Variants in ZIM2 observed in about 807,000 individuals in gnomAD.
ZIM2 encodes the protein zinc finger protein 656.
Under a neutral mutation model 38.6 loss-of-function variants are expected in ZIM2, and 14 were observed. The observed-to-expected ratio is 0.36, with a 90% CI of 0.24 to 0.57. The LOEUF (loss-of-function observed/expected upper bound fraction) is 0.57. ZIM2 is among the 20% of genes least tolerant of loss of function. ZIM2 has a pLI of 0.81. For missense variants in ZIM2, 680 were observed against 695.1 expected, an observed-to-expected ratio of 0.98 and a Z score of 0.24; for synonymous variants, 247 against 245.8, an observed-to-expected ratio of 1.00 and a Z score of -0.04.
At chr19:56,811,022 T>C (rs542201329) in intron 9 of ZIM2, 3 of 977,712 alleles carry the variant, frequency 3.1e-6, no homozygotes, top group Non-Finnish European at 3.6e-6. Flanking sequence ...GACACAGTTA[T>C]AATCATAAAC....
chr19:56,815,087 G>A, intron 9 of ZIM2: 1 of 1,613,738 alleles, frequency 6.2e-7, no homozygotes, highest in Non-Finnish European at 8.5e-7. Flanking sequence ...AGGTCTGTGA[G>A]ATCCACAAAG....
At position 56,822,820 on chromosome 19, in the gene ZIM2, G is replaced by C. The variant is rs757890759; in HGVS notation, c.123C>G (p.Asp41Glu). 1.9e-6 allele frequency: 3 copies of C among 1,613,832 alleles called. No individual in the cohort carries two copies. The highest frequency in any genetic ancestry group is 2.5e-6 in the Non-Finnish European group (3 of 1,179,924). Residue 41 changes from aspartate (D) to glutamate (E), a missense_variant, in exon 6 of 13, where the codon GAC becomes GAG. Coordinates refer to ENST00000629319, the MANE Select transcript of ZIM2 (RefSeq NM_001387356.1). ...VHSFSGDRDWDRRGRSRDMEP... is the reference protein window; with the variant it reads ...VHSFSGDRDWERRGRSRDMEP... ...CCATGTCTCTGCTTCTGCCCCTCCGGTCCCAGTCCCGGTCACCTAAGCAGG... is the reference window on the plus strand; with the variant it reads ...CCATGTCTCTGCTTCTGCCCCTCCGCTCCCAGTCCCGGTCACCTAAGCAGG...
intron 2 of ZIM2, chr19:56,833,109 G>T: frequency 2.0e-6 from 1 of 510,660 alleles, no homozygotes; most frequent in Admixed American, 2.0e-5. Context: ...TCATGCACTA[G>T]AAAGCGTCTG....
At chr19:56,820,619 G>A (rs909108493) in intron 7 of ZIM2, among the ~76,000 whole-genome samples, 1 of 152,076 alleles carries the variant, frequency 6.6e-6, no homozygotes, top group Non-Finnish European at 1.5e-5. Context: ...CGTGCTCCTG[G>A]CTCTAAATGG....
At position 56,824,182 on chromosome 19, in the gene ZIM2, T is replaced by C. The variant is rs116088747; in HGVS notation, c.16+80A>G. Reference sequence around the variant, plus strand: ...ACAGAGAGTTATCCAGTCCAGACCATGTCAGAAGTGTGGAGGCTGAGAGCC... The same window carrying C: ...ACAGAGAGTTATCCAGTCCAGACCACGTCAGAAGTGTGGAGGCTGAGAGCC... On this transcript the variant is annotated intron_variant, in intron 4 of 12. Transcript: ENST00000629319. 7.0e-4 allele frequency: 1,086 copies of C among 1,557,456 alleles called. 7 individuals carry two copies. In the African/African-American group the frequency reaches 0.013, roughly 18 times the overall value.
intron 2 of ZIM2, among the ~76,000 whole-genome samples, chr19:56,835,120 C>A (rs1173395907): frequency 6.6e-6 from 1 of 152,088 alleles, no homozygotes; most frequent in African/African-American, 2.4e-5. Flanking sequence ...GACCACAAAC[C>A]AAGCCACCAT....
At chr19:56,783,890 G>A (rs539112116) in intron 10 of ZIM2, among the ~76,000 whole-genome samples, 3 of 152,218 alleles carry the variant, frequency 2.0e-5, no homozygotes, top group South Asian at 4.1e-4. Context: ...GAGGCAATAG[G>A]ATACTTACCT....
At chr19:56,838,094 G>T (rs1375570248) in intron 1 of ZIM2, among the ~76,000 whole-genome samples, 1 of 152,242 alleles carries the variant, frequency 6.6e-6, no homozygotes, top group African/African-American at 2.4e-5. Flanking sequence ...CTAATGGCCA[G>T]CAAAGATGAT....
Position 56,814,457 on chromosome 19 carries a change from T to C in ZIM2, c.490+3289A>G, listed in dbSNP as rs370009140. ...CAATCCTTGCATTCATAGAATGGTA[T>C]AGCTCCTTTGAGGGGCTCAGTAAGA... is the stretch of plus-strand genomic sequence containing the variant. On this transcript the variant is annotated intron_variant, in intron 9 of 12. Coordinates refer to ENST00000629319, the MANE Select transcript of ZIM2 (RefSeq NM_001387356.1). This position sits in a 1 kb window ranked among gnomAD's most constrained non-coding sequence, Gnocchi z 5.8. 30 of 1,613,772 alleles carry C rather than the reference T, an allele frequency of 1.9e-5. No homozygotes were observed. Among genetic ancestry groups the C allele is most frequent in the Non-Finnish European group, 2.4e-5 (28 of 1,179,752 alleles).
At chr19:56,795,269 C>T (rs2047140064) in intron 9 of ZIM2, among the ~76,000 whole-genome samples, 1 of 152,186 alleles carries the variant, frequency 6.6e-6, no homozygotes, top group Admixed American at 6.5e-5. Context: ...CAGACGCAGC[C>T]CTCGCCTCTG....
intron 11 of ZIM2, among the ~76,000 whole-genome samples, chr19:56,780,524 G>A (rs373118878): frequency 2.8e-4 from 43 of 152,206 alleles, no homozygotes; most frequent in African/African-American, 1.0e-3. Flanking sequence ...GATTACAGGC[G>A]TGAGCCACTG....
chr19:56,818,746 C>T (rs781256905), intron 7 of ZIM2, 44 bp from the exon 8 acceptor site: 11 of 1,598,078 alleles, frequency 6.9e-6, no homozygotes, highest in South Asian at 3.3e-5. Flanking sequence ...CTGTCCCCAC[C>T]GATGTTCAAA....
intron 9 of ZIM2, chr19:56,817,086 A>G: frequency 1.2e-6 from 2 of 1,614,134 alleles, no homozygotes; most frequent in Admixed American, 1.7e-5. Context: ...CATCACATAC[A>G]TATGGCATTG....
intron 2 of ZIM2, among the ~76,000 whole-genome samples, chr19:56,834,185 A>C (rs2061849688): frequency 6.6e-6 from 1 of 152,152 alleles, no homozygotes; most frequent in East Asian, 1.9e-4. Context: ...GGAGTACTAA[A>C]AAGTAGGCCA....
At chr19:56,782,619 G>A (rs1311179895) in intron 10 of ZIM2, 3 of 330,018 alleles carry the variant, frequency 9.1e-6, no homozygotes, top group African/African-American at 6.5e-5. Context: ...ATTAAGAAGT[G>A]GGACAATACC....
At chr19:56,793,317 G>A (rs1011821407) in intron 9 of ZIM2, 1 of 152,658 alleles carries the variant, frequency 6.6e-6, no homozygotes, top group Non-Finnish European at 1.5e-5. Context: ...CACAAAAGAT[G>A]TAGGGATTCC....
chr19:56,829,814 G>A (rs958534516), intron 2 of ZIM2, among the ~76,000 whole-genome samples: 13 of 152,236 alleles, frequency 8.5e-5, no homozygotes, highest in African/African-American at 3.1e-4. Context: ...CAGATCCCAC[G>A]TGACCTTCTG....
At chr19:56,825,862 A>G (rs1258012099) in intron 3 of ZIM2, among the ~76,000 whole-genome samples, 1 of 152,224 alleles carries the variant, frequency 6.6e-6, no homozygotes, top group Non-Finnish European at 1.5e-5. Flanking sequence ...CATTATTCAG[A>G]GTCTCTCATT....
At chr19:56,837,977 C>T (rs1044502028) in intron 1 of ZIM2, among the ~76,000 whole-genome samples, 1 of 152,290 alleles carries the variant, frequency 6.6e-6, no homozygotes, top group Admixed American at 6.5e-5. Context: ...CATGCTATGG[C>T]CCCCCTCAGT....
Sources: gnomAD v4.1 joint callset for allele counts (sites outside exome capture counted in the v4.1 genomes callset) on GRCh38, gnomAD v4.1.1 for gene constraint, Gnocchi (gnomAD v3.1) non-coding constraint, MANE v1.5 for transcripts, NCBI Gene and HGNC (gene_info 2026-07-23, HGNC 2026-07-21) for gene names.